XYLT1: variants seen among roughly 807,000 people sequenced by gnomAD.
XYLT1 encodes beta-D-xylosyltransferase 1.
A neutral mutation model predicts 91.3 loss-of-function variants in XYLT1; 36 were observed. That is an observed-to-expected ratio of 0.39 (90% confidence interval 0.30 to 0.52). XYLT1 has a LOEUF of 0.52. XYLT1 is among the 20% of genes least tolerant of loss of function. XYLT1 has a pLI of 0.68. For synonymous variants in XYLT1, 588 were observed against 532.0 expected, an observed-to-expected ratio of 1.11 and a Z score of -1.45; for missense variants, 1,242 against 1,284.5, an observed-to-expected ratio of 0.97 and a Z score of 0.51.
chr16:17,122,342 C>A (rs147158909), intron 10 of XYLT1, among the ~76,000 whole-genome samples: 3 of 152,098 alleles, frequency 2.0e-5, no homozygotes, highest in Admixed American at 1.3e-4. Flanking sequence ...TTTTCCTGAT[C>A]GTTAGTGATG....
At chr16:17,317,520 C>A (rs1008351595) in intron 2 of XYLT1, among the ~76,000 whole-genome samples, 3 of 148,800 alleles carry the variant, frequency 2.0e-5, no homozygotes, top group Admixed American at 6.8e-5. Flanking sequence ...GTCCCAGGTA[C>A]CTGGGAGGCT....
At chr16:17,365,107 C>A (rs1436828883) in intron 1 of XYLT1, among the ~76,000 whole-genome samples, 1 of 152,206 alleles carries the variant, frequency 6.6e-6, no homozygotes, top group African/African-American at 2.4e-5. Context: ...ACGCTCTGCA[C>A]CCCCAAGAAA....
intron 2 of XYLT1, among the ~76,000 whole-genome samples, chr16:17,329,771 G>A (rs1259199693): frequency 2.0e-5 from 3 of 152,200 alleles, no homozygotes; most frequent in Non-Finnish European, 4.4e-5. Flanking sequence ...ACACAGAAGA[G>A]GCAGTTAACC....
At chr16:17,198,043 T>A (rs1370332421) in intron 5 of XYLT1, 169 bp downstream of exon 5, 17 of 703,926 alleles carry the variant, frequency 2.4e-5, no homozygotes, top group Non-Finnish European at 1.2e-5. Flanking sequence ...GTTGAATGCA[T>A]GAATGAATGA....
intron 3 of XYLT1, among the ~76,000 whole-genome samples, chr16:17,237,266 T>C (rs2033263543): frequency 6.6e-6 from 1 of 152,200 alleles, no homozygotes; most frequent in South Asian, 2.1e-4. Context: ...GATCTGTGTT[T>C]TTCAGTATTT....
At position 17,299,346 on chromosome 16, in the gene XYLT1, G is replaced by A. The variant is rs947415406; in HGVS notation, c.403-39848C>T. Reference sequence around the variant, plus strand: ...GAGGGGGTGGCAGTAAGCCCCAGCAGGCTTCAGGACCAGATAAAGGAGGCC... The same window carrying A: ...GAGGGGGTGGCAGTAAGCCCCAGCAAGCTTCAGGACCAGATAAAGGAGGCC... On this transcript the variant is annotated intron_variant, in intron 2 of 11. Transcript: ENST00000261381. Among the ~76,000 whole-genome samples the A allele has an allele frequency of 3.3e-5, 5 of 152,286 alleles. No homozygotes were observed. In the East Asian group the frequency reaches 9.6e-4, roughly 29 times the overall value.
At chr16:17,306,215 A>G (rs1596474249) in intron 2 of XYLT1, among the ~76,000 whole-genome samples, 1 of 152,198 alleles carries the variant, frequency 6.6e-6, no homozygotes, top group African/African-American at 2.4e-5. Context: ...ATGCAAATAT[A>G]AGCGGTTGGG....
At chr16:17,120,684 A>G (rs114037934) in intron 10 of XYLT1, among the ~76,000 whole-genome samples, 1,611 of 152,172 alleles carry the variant, frequency 0.011, 30 homozygotes, top group African/African-American at 0.037. Flanking sequence ...TTTAATTTAC[A>G]GGTCTCTCTC....
chr16:17,384,476 A>G (rs2035722610), intron 1 of XYLT1, among the ~76,000 whole-genome samples: 1 of 151,868 alleles, frequency 6.6e-6, no homozygotes, highest in African/African-American at 2.4e-5. Flanking sequence ...AAATTTTTCA[A>G]TTAGCCGCCA....
Position 17,358,034 on chromosome 16 carries a change from G to A in XYLT1, c.380C>T (p.Pro127Leu), listed in dbSNP as rs189242011. 4.8e-5 allele frequency: 78 copies of A among 1,613,620 alleles called. No homozygotes were observed. The highest frequency in any genetic ancestry group is 1.3e-4 in the South Asian group (12 of 91,010). The change falls in exon 2 of 12, where the codon CCG (proline) becomes CTG (leucine). Residue 127 changes from proline (P) to leucine (L), a missense_variant. By Grantham distance (98) the Pro-to-Leu change is moderately conservative. Around this residue, in one of 3 missense-constraint regions of XYLT1, gnomAD observed 437 missense variants for 411.5 expected, o/e 1.06. Transcript: ENST00000261381. ...TACCTGAGTCTCCAGGGTGATGAGCGGACTTGGGTGTGGATCCTGTAGGAT... is the reference window on the plus strand; with the variant it reads ...TACCTGAGTCTCCAGGGTGATGAGCAGACTTGGGTGTGGATCCTGTAGGAT... ...PARALDPHPS[P>L]LITLETQDGY...
chr16:17,452,302 T>C (rs1374242083), intron 1 of XYLT1, among the ~76,000 whole-genome samples: 2 of 130,444 alleles, frequency 1.5e-5, no homozygotes, highest in African/African-American at 7.2e-5. Flanking sequence ...TCTCAGTTTT[T>C]TTCTTTTTTT....
intron 2 of XYLT1, among the ~76,000 whole-genome samples, chr16:17,339,127 T>C (rs1040609197): frequency 1.3e-5 from 2 of 152,218 alleles, no homozygotes; most frequent in Non-Finnish European, 2.9e-5. Flanking sequence ...GTGATGAACA[T>C]CTTGCTATGA....
At chr16:17,193,244 A>G (rs1300870521) in intron 5 of XYLT1, 1 of 152,260 alleles carries the variant, frequency 6.6e-6, no homozygotes, top group East Asian at 1.9e-4. Flanking sequence ...TTGGGCATTT[A>G]TCAACCACTT....
chr16:17,416,491 G>A (rs1236110512), intron 1 of XYLT1, among the ~76,000 whole-genome samples: 1 of 152,232 alleles, frequency 6.6e-6, no homozygotes, highest in Non-Finnish European at 1.5e-5. Flanking sequence ...GAGGGTACCT[G>A]GGAGGGACTG....
intron 1 of XYLT1, among the ~76,000 whole-genome samples, chr16:17,413,561 C>G (rs533420079): frequency 1.3e-5 from 2 of 151,442 alleles, no homozygotes; most frequent in African/African-American, 4.9e-5. Context: ...CCTCAGTGTT[C>G]GGAGTACCTG....
At chr16:17,152,432 T>C (rs2031303907) in intron 6 of XYLT1, among the ~76,000 whole-genome samples, 1 of 152,238 alleles carries the variant, frequency 6.6e-6, no homozygotes, top group Non-Finnish European at 1.5e-5. Context: ...AAATGCAATC[T>C]GCTTTCCCTA....
intron 1 of XYLT1, among the ~76,000 whole-genome samples, chr16:17,364,417 TGTC>T (rs1048198559): frequency 1.3e-5 from 2 of 152,180 alleles, no homozygotes; most frequent in Admixed American, 6.5e-5. Flanking sequence ...CATCATGAGT[TGTC>T]GTGAACATTA....
At chr16:17,353,010 C>G (rs750574492) in intron 2 of XYLT1, among the ~76,000 whole-genome samples, 2 of 152,192 alleles carry the variant, frequency 1.3e-5, no homozygotes, top group Non-Finnish European at 2.9e-5. Context: ...TACAGGAGCC[C>G]TGTTCACAAT....
chr16:17,199,331 TAA>T (rs2032489569), intron 4 of XYLT1, among the ~76,000 whole-genome samples: 1 of 152,190 alleles, frequency 6.6e-6, no homozygotes, highest in Non-Finnish European at 1.5e-5. Context: ...TTTTTGTTAA[TAA>T]AGTTTTATTG....
Sources: allele counts gnomAD v4.1 joint callset (sites outside exome capture counted in the v4.1 genomes callset), GRCh38; gene constraint gnomAD v4.1.1; regional missense constraint gnomAD v4.1.1; transcripts MANE v1.5; gene names NCBI Gene and HGNC (gene_info 2026-07-23, HGNC 2026-07-21).